Variants in GRWD1 observed in about 807,000 individuals in gnomAD.
GRWD1 encodes the protein glutamate rich WD repeat containing 1, also known as glutamate-rich WD repeat-containing protein 1.
In GRWD1, 29 loss-of-function variants were observed where a neutral mutation model predicts 45.3. That is an observed-to-expected ratio of 0.64 (90% confidence interval 0.48 to 0.87). The LOEUF (loss-of-function observed/expected upper bound fraction) is 0.87, where lower values mean the gene tolerates loss of function less well. Among genes scored for constraint, GRWD1 ranks in the 40% least tolerant of loss-of-function variants. The probability of loss-of-function intolerance (pLI) is 0.00; values close to 1 mark genes in which losing one functional copy is unlikely to be tolerated. For missense variants in GRWD1, 592 were observed against 618.8 expected (o/e 0.96, Z 0.46); for synonymous variants, 262 against 257.6 (o/e 1.02, Z -0.16).
In GRWD1 at chr19:48,450,145, A is replaced by G. The variant is rs1005993361; in HGVS notation, c.469-168A>G. Reference sequence around the variant, plus strand: ...TCCCAGTTACCATGCTGGTTTTTGCAGGTTGTGATTTTCTTCCCACAGAGG... The same window carrying G: ...TCCCAGTTACCATGCTGGTTTTTGCGGGTTGTGATTTTCTTCCCACAGAGG... On this transcript the variant is annotated intron_variant, in intron 3 of 6. Coordinates refer to ENST00000253237, the MANE Select transcript of GRWD1 (RefSeq NM_031485.4). This position sits in a 1 kb window ranked among gnomAD's most constrained non-coding sequence, Gnocchi z 5.1. Among the ~76,000 whole-genome samples, 5 of 146,882 alleles carry G rather than the reference A, an allele frequency of 3.4e-5. No individual in the cohort carries two copies. The highest frequency in any genetic ancestry group is 1.0e-4 in the African/African-American group (4 of 40,154).
rs1971397715 is a variant in GRWD1, at chr19:48,446,089, C to T, written c.84C>T (p.Gly28=). ...EAESGDTSSE[G]PAQVYLPGRG... ...AGTCCGGCGACACAAGTTCCGAGGGCCCGGCCCAGGTCTACCTGCCCGGCC... is the reference window on the plus strand; with the variant it reads ...AGTCCGGCGACACAAGTTCCGAGGGTCCGGCCCAGGTCTACCTGCCCGGCC... Residue 28 remains glycine (G), a synonymous_variant, in exon 1 of 7, where the codon GGC becomes GGT. Coordinates refer to ENST00000253237, the MANE Select transcript of GRWD1 (RefSeq NM_031485.4). The T allele has an allele frequency of 6.3e-7, 1 of 1,595,760 alleles. No homozygotes were observed. The highest frequency in any genetic ancestry group is 1.3e-5 in the African/African-American group (1 of 74,770).
chr19:48,450,898 G>T lies in GRWD1; in HGVS notation c.825+90G>T. 1 of 1,507,514 alleles carries T rather than the reference G, an allele frequency of 6.6e-7. No homozygotes were observed. The highest frequency in any genetic ancestry group is 2.0e-5 in the Admixed American group (1 of 51,162). 93.4% of individuals were successfully genotyped at this position (1,507,514 alleles called of 1,614,324 possible). A position where few individuals can be genotyped will look rare whatever the true frequency, so the allele number is the denominator to read the frequency against. On this transcript the variant is annotated intron_variant, in intron 5 of 6. Coordinates refer to ENST00000253237, the MANE Select transcript of GRWD1 (RefSeq NM_031485.4). The surrounding 1 kb of genome is among the most constrained non-coding windows in gnomAD (Gnocchi z 5.1). Reference sequence around the variant, plus strand: ...TAGGTCTGAGGGAAAAGAGGGCTGGGAGCCTGACGGAGGTTTAGTTTCCAG... The same window carrying T: ...TAGGTCTGAGGGAAAAGAGGGCTGGTAGCCTGACGGAGGTTTAGTTTCCAG...
chr19:48,446,741 TGATGAAGAAGAAGAGGAGGAA>T lies in GRWD1; in HGVS notation c.375_395del (p.Glu126_Glu132del). On this transcript the variant is annotated inframe_deletion, in exon 3 of 7. Coordinates refer to ENST00000253237, the MANE Select transcript of GRWD1 (RefSeq NM_031485.4). ...CAAAGCCCCCACCCTCAGAGGGCAG[TGATGAAGAAGAAGAGGAGGAA>T]GATGAAGAGGATGAAGAAGAGCGGA... The T allele has an allele frequency of 6.2e-7, 1 of 1,612,646 alleles. No homozygotes were observed. The highest frequency in any genetic ancestry group is 8.5e-7 in the Non-Finnish European group (1 of 1,179,518).
rs1971471891 is a variant in GRWD1, at chr19:48,451,152, G to T, written c.944G>T (p.Ser315Ile). 1 of 1,613,934 alleles carries T rather than the reference G, an allele frequency of 6.2e-7. No individual in the cohort carries two copies. Among genetic ancestry groups the T allele is most frequent in the Non-Finnish European group, 8.5e-7 (1 of 1,179,928 alleles). ...TAHDGDVNVI[S>I]WSRREPFLLS... ...CATGATGGGGACGTCAATGTCATCA[G>T]CTGGAGCCGCCGGGAGCCCTTCCTG... Residue 315 changes from serine (S) to isoleucine (I), a missense_variant, in exon 6 of 7, where the codon AGC (serine) becomes ATC (isoleucine). Coordinates refer to ENST00000253237, the MANE Select transcript of GRWD1 (RefSeq NM_031485.4).
chr19:48,446,436 G>C lies in GRWD1; in HGVS notation c.239G>C (p.Arg80Pro). 1 of 1,614,180 alleles carries C rather than the reference G, an allele frequency of 6.2e-7. No homozygotes were observed. The highest frequency in any genetic ancestry group is 8.5e-7 in the Non-Finnish European group (1 of 1,180,026). Residue 80 changes from arginine (R) to proline (P), a missense_variant, in exon 2 of 7, where the codon CGG becomes CCG. Physicochemically the swap from Arg to Pro is moderately radical, Grantham distance 103. Transcript: ENST00000253237. ...GTCCGGGATCACCTGGGAGACAACC[G>C]GACAGAGCTTCCTCTTACACTTTAC... ...DIVRDHLGDN[R>P]TELPLTLYLC...
intron 3 of GRWD1, among the ~76,000 whole-genome samples, chr19:48,447,713 A>G (rs1434920244): frequency 6.6e-6 from 1 of 152,160 alleles, no homozygotes; most frequent in Non-Finnish European, 1.5e-5. Context: ...CTTGTCACAT[A>G]GTTTTATACA....
chr19:48,446,535 C>T (rs115286916), intron 2 of GRWD1, 33 bp downstream of exon 2: 1 of 1,604,056 alleles, frequency 6.2e-7, no homozygotes, highest in Non-Finnish European at 8.5e-7. Flanking sequence ...GACCAGGAGG[C>T]TCAGTTTCCA....
At position 48,446,494 on chromosome 19, in the gene GRWD1, G is replaced by A; in HGVS notation, c.297G>A (p.Gln99=). The A allele has an allele frequency of 6.2e-7, 1 of 1,613,960 alleles. No homozygotes were observed. The highest frequency in any genetic ancestry group is 2.2e-5 in the East Asian group (1 of 44,886). The change falls in exon 2 of 7, where the codon CAG becomes CAA. Residue 99 remains glutamine, a synonymous_variant. Transcript: ENST00000253237. The part of the protein sequence containing the change: ...LCAGTQAESA[Q]SNRLMMLRMH... The stretch of plus-strand genomic sequence containing the variant: ...CTGGGACCCAGGCTGAGAGCGCCCA[G>A]AGCAACAGGTAAGACCCGAGGCTTT...
At chr19:48,448,308 T>G (rs1601002924) in intron 3 of GRWD1, among the ~76,000 whole-genome samples, 1 of 152,186 alleles carries the variant, frequency 6.6e-6, no homozygotes, top group Non-Finnish European at 1.5e-5. Context: ...GACTTGTAAG[T>G]ACAATGATAC....
intron 2 of GRWD1, 84 bp downstream of exon 2, chr19:48,446,586 T>C: frequency 6.4e-7 from 1 of 1,567,488 alleles, no homozygotes; most frequent in Non-Finnish European, 8.7e-7. Flanking sequence ...TTCCAGTTTC[T>C]GCCTCTCGCA....
chr19:48,447,428 G>C (rs1971422894), intron 3 of GRWD1, among the ~76,000 whole-genome samples: 1 of 151,058 alleles, frequency 6.6e-6, no homozygotes. Context: ...TTCTTAGTAG[G>C]GACGGGGTTT....
intron 3 of GRWD1, among the ~76,000 whole-genome samples, chr19:48,447,804 C>T (rs1226389344): frequency 2.6e-5 from 4 of 152,208 alleles, no homozygotes; most frequent in South Asian, 2.1e-4. Flanking sequence ...CTTCACTTTT[C>T]TCTTTGGTAA....
At chr19:48,446,549 C>G in intron 2 of GRWD1, 47 bp downstream of exon 2, 1 of 1,596,576 alleles carries the variant, frequency 6.3e-7, no homozygotes, top group Non-Finnish European at 8.6e-7. Flanking sequence ...GTTTCCAGCC[C>G]CTTCCTCAGC....
Position 48,454,466 on chromosome 19 carries a change from G to T in GRWD1, c.*1441G>T. 1 of 152,252 alleles carries T rather than the reference G, an allele frequency of 6.6e-6. No homozygotes were observed. Among genetic ancestry groups the T allele is most frequent in the Non-Finnish European group, 1.5e-5 (1 of 68,190 alleles). 9.4% of individuals were successfully genotyped at this position (152,252 alleles called of 1,614,324 possible). A position where few individuals can be genotyped will look rare whatever the true frequency, so the allele number is the denominator to read the frequency against. ...CCATCTGTGGACTCCGAGGTCGGGT[G>T]CCCGTCACACGGCCCCTGGGACCAA... On this transcript the variant is annotated 3_prime_UTR_variant, in exon 7 of 7. Transcript: ENST00000253237.
chr19:48,452,790 T>C lies in GRWD1; in HGVS notation c.1106T>C (p.Phe369Ser). The change falls in exon 7 of 7, where the codon TTT (phenylalanine) becomes TCT (serine). Residue 369 changes from phenylalanine (F) to serine (S), a missense_variant. Phe to Ser is a radical substitution (Grantham distance 155). Transcript: ENST00000253237. The surrounding 1 kb of genome is among the most constrained non-coding windows in gnomAD (Gnocchi z 5.1). ...TGGCACCCCCAGGACAGCGGGGTCT[T>C]TGCAGCCTCGGGTGCAGACCACCAG... is the stretch of plus-strand genomic sequence containing the variant. Reference protein sequence around the residue: ...VEWHPQDSGVFAASGADHQIT... With the variant: ...VEWHPQDSGVSAASGADHQIT... 1 of 1,611,826 alleles carries C rather than the reference T, an allele frequency of 6.2e-7. No individual in the cohort carries two copies. Among genetic ancestry groups the C allele is most frequent in the Non-Finnish European group, 8.5e-7 (1 of 1,178,246 alleles).
rs781331477 is a variant in GRWD1, at chr19:48,450,564, G to A, written c.682+38G>A. 3.7e-6 allele frequency: 6 copies of A among 1,611,638 alleles called. No individual in the cohort carries two copies. In the Admixed American group the frequency reaches 8.3e-5, roughly 22 times the overall value. ...GGTGTTCAGGAGTCCCGGGAGGTCG[G>A]GGGAGCAGGGTCTGCAACAAGGGGC... On this transcript the variant is annotated intron_variant, in intron 4 of 6. Transcript: ENST00000253237. This position sits in a 1 kb window ranked among gnomAD's most constrained non-coding sequence, Gnocchi z 5.1.
chr19:48,450,506 A>C lies in GRWD1; in HGVS notation c.662A>C (p.Asp221Ala), dbSNP rs755272077. The C allele has an allele frequency of 1.2e-6, 2 of 1,613,940 alleles. No individual in the cohort carries two copies. The highest frequency in any genetic ancestry group is 2.2e-5 in the South Asian group (2 of 91,088). The change falls in exon 4 of 7, where the codon GAC (aspartate) becomes GCC (alanine). Residue 221 changes from aspartate to alanine, a missense_variant. Physicochemically the swap from Asp to Ala is moderately radical, Grantham distance 126. Transcript: ENST00000253237. This position sits in a 1 kb window ranked among gnomAD's most constrained non-coding sequence, Gnocchi z 5.1. ...CACATGGGCGAGGGCTTTGCCCTTG[A>C]CTGGTCCCCCCGGGTGACCGGTGAG... ...AGHMGEGFAL[D>A]WSPRVTGRLL...
At chr19:48,447,732 A>G (rs1971426990) in intron 3 of GRWD1, among the ~76,000 whole-genome samples, 1 of 152,182 alleles carries the variant, frequency 6.6e-6, no homozygotes, top group African/African-American at 2.4e-5. Flanking sequence ...CAATTTAGCT[A>G]TTATGATCAG....
At position 48,454,543 on chromosome 19, in the gene GRWD1, C is replaced by T. The variant is rs536727143; in HGVS notation, c.*1518C>T. On this transcript the variant is annotated 3_prime_UTR_variant, in exon 7 of 7. Coordinates refer to ENST00000253237, the MANE Select transcript of GRWD1 (RefSeq NM_031485.4). Reference sequence around the variant, plus strand: ...ACAGAGGCTTCCCCTCAGCCCTAGCCGAGGAGCCCCCAGCGGAGGGCATGG... The same window carrying T: ...ACAGAGGCTTCCCCTCAGCCCTAGCTGAGGAGCCCCCAGCGGAGGGCATGG... 5 of 152,626 alleles carry T rather than the reference C, an allele frequency of 3.3e-5. No homozygotes were observed. Among genetic ancestry groups the T allele is most frequent in the East Asian group, 3.9e-4 (2 of 5,172 alleles). The allele number at this position is 152,626 out of a possible 1,614,324, so 9.5% of individuals were successfully genotyped here. A position where few individuals can be genotyped will look rare whatever the true frequency, so the allele number is the denominator to read the frequency against.
Sources: gnomAD v4.1 joint callset for allele counts (sites outside exome capture counted in the v4.1 genomes callset) on GRCh38, gnomAD v4.1.1 for gene constraint, Gnocchi (gnomAD v3.1) non-coding constraint, MANE v1.5 for transcripts, NCBI Gene and HGNC (gene_info 2026-07-23, HGNC 2026-07-21) for gene names.